The following HSDL2 variants were observed in gnomAD, a reference collection of about 807,000 sequenced individuals.
HSDL2 encodes hydroxysteroid dehydrogenase like 2.
Under a neutral mutation model 46.3 loss-of-function variants are expected in HSDL2, and 27 were observed. That is an observed-to-expected ratio of 0.58 (90% CI 0.43 to 0.80). The LOEUF (loss-of-function observed/expected upper bound fraction) is 0.80, where lower values mean the gene tolerates loss of function less well. Ranked by LOEUF, HSDL2 falls within the 30% of genes least tolerant of loss-of-function variation. The pLI is 0.00. For synonymous variants in HSDL2, 153 were observed against 163.6 expected (o/e 0.94, Z 0.50); for missense variants, 451 against 502.7 (o/e 0.90, Z 0.98).
At chr9:112,468,989 G>C (rs1163308107) in intron 10 of HSDL2, among the ~76,000 whole-genome samples, 1 of 152,100 alleles carries the variant, frequency 6.6e-6, no homozygotes, top group East Asian at 1.9e-4. Context: ...TGTGTTTTTG[G>C]ACGGGCTGTT....
intron 6 of HSDL2, among the ~76,000 whole-genome samples, chr9:112,431,151 A>T (rs931139645): frequency 6.6e-6 from 1 of 152,016 alleles, no homozygotes; most frequent in Non-Finnish European, 1.5e-5. Context: ...AAAGCTGCAG[A>T]TAGAGCAGAT....
chr9:112,428,371 A>T (rs534403671), intron 6 of HSDL2, among the ~76,000 whole-genome samples: 19 of 152,154 alleles, frequency 1.2e-4, no homozygotes, highest in Admixed American at 3.9e-4. Flanking sequence ...TGTTTCCTTT[A>T]TGTTTCTGTA....
At chr9:112,409,183 T>C (rs915460584) in intron 4 of HSDL2, among the ~76,000 whole-genome samples, 162 bp downstream of exon 4, 7 of 152,170 alleles carry the variant, frequency 4.6e-5, no homozygotes, top group Non-Finnish European at 8.8e-5. Context: ...TATTTTATTT[T>C]ATTTTTTATT....
chr9:112,414,835 A>G (rs1345257151), intron 4 of HSDL2, among the ~76,000 whole-genome samples: 4 of 152,150 alleles, frequency 2.6e-5, no homozygotes, highest in East Asian at 1.9e-4. Context: ...GGTATTGATT[A>G]TATTTGGTAA....
chr9:112,387,863 C>A, intron 1 of HSDL2, among the ~76,000 whole-genome samples: 1 of 152,012 alleles, frequency 6.6e-6, no homozygotes, highest in East Asian at 1.9e-4. Context: ...CAGTTGAATC[C>A]AAAATGAGCA....
intron 7 of HSDL2, 35 bp downstream of exon 7, chr9:112,438,660 G>T: frequency 7.9e-7 from 1 of 1,263,058 alleles, no homozygotes; most frequent in Non-Finnish European, 1.1e-6. Flanking sequence ...GTAGTGATAC[G>T]TTTTTCCATA....
intron 10 of HSDL2, among the ~76,000 whole-genome samples, chr9:112,468,488 CTCA>C (rs1833461059): frequency 6.6e-6 from 1 of 152,062 alleles, no homozygotes; most frequent in Admixed American, 6.6e-5. Context: ...TTTCTAAGAG[CTCA>C]TCTTGTTTTC....
In HSDL2 at chr9:112,428,685, G is replaced by C. The variant is rs116849643; in HGVS notation, c.598+9727G>C. On this transcript the variant is annotated intron_variant, in intron 6 of 10. Coordinates refer to ENST00000398805, the MANE Select transcript of HSDL2 (RefSeq NM_032303.5). ...ATATATGAAAATGTTACTTATTATG[G>C]GTCACAGCCAAAAAACTTAAAAGCT... Among the ~76,000 whole-genome samples the C allele has an allele frequency of 8.1e-3, 1,231 of 152,138 alleles. 47 individuals are homozygous for C. Among genetic ancestry groups the C allele is most frequent in the East Asian group, 0.06 (313 of 5,174 alleles).
intron 8 of HSDL2, among the ~76,000 whole-genome samples, chr9:112,449,651 C>T (rs982498267): frequency 6.6e-6 from 1 of 151,952 alleles, no homozygotes; most frequent in Non-Finnish European, 1.5e-5. Context: ...ATTGTCTGAG[C>T]TCCGGTGTTC....
chr9:112,385,284 T>C (rs1299099357), intron 1 of HSDL2, among the ~76,000 whole-genome samples: 1 of 152,174 alleles, frequency 6.6e-6, no homozygotes, highest in Non-Finnish European at 1.5e-5. Flanking sequence ...TGGTCACCTA[T>C]AGGTAAGAGA....
chr9:112,460,875 T>C (rs1262485198), intron 10 of HSDL2, among the ~76,000 whole-genome samples: 5 of 152,228 alleles, frequency 3.3e-5, no homozygotes, highest in Non-Finnish European at 7.3e-5. Context: ...AGCATCTATA[T>C]ATGTATATTA....
At chr9:112,394,923 C>G (rs1040296005) in intron 1 of HSDL2, among the ~76,000 whole-genome samples, 3 of 151,906 alleles carry the variant, frequency 2.0e-5, no homozygotes, top group Non-Finnish European at 2.9e-5. Context: ...GGTGAGAGGT[C>G]GAATAAGTGG....
rs1833589541 is a variant in HSDL2 at position 112,472,035 on chromosome 9, G to T, written c.*1491G>T. On this transcript the variant is annotated 3_prime_UTR_variant, in exon 11 of 11. Coordinates refer to ENST00000398805, the MANE Select transcript of HSDL2 (RefSeq NM_032303.5). ...AACAAAAACTTTACAATACATTTAT[G>T]TTGAATGGAACTCCAAGATCTCACC... 6.6e-6 allele frequency: 1 copy of T among 152,210 alleles called. No individual in the cohort carries two copies. The highest frequency in any genetic ancestry group is 2.4e-5 in the African/African-American group (1 of 41,454). 9.4% of individuals were successfully genotyped at this position (152,210 alleles called of 1,614,324 possible).
rs1831441625 is a variant in HSDL2, at chr9:112,395,766, C to CTTCCCTGATT, written c.18-8227_18-8218dup. Among the ~76,000 whole-genome samples, 10 of 152,366 alleles carry CTTCCCTGATT rather than the reference C, an allele frequency of 6.6e-5. No homozygotes were observed. In the South Asian group the frequency reaches 2.1e-3, roughly 32 times the overall value. On this transcript the variant is annotated intron_variant, in intron 1 of 10. Coordinates refer to ENST00000398805, the MANE Select transcript of HSDL2 (RefSeq NM_032303.5). Reference sequence around the variant, plus strand: ...CCCTTAAAGCAGTTACCATCCTCCACTTCCCTGATTTCTTTTTTACTAGAA... The same window carrying CTTCCCTGATT: ...CCCTTAAAGCAGTTACCATCCTCCACTTCCCTGATTTTCCCTGATTTCTTTTTTACTAGAA...
chr9:112,449,174 C>T (rs7861515), intron 8 of HSDL2, among the ~76,000 whole-genome samples: 122,654 of 150,636 alleles, frequency 0.81, 50,430 homozygotes, highest in African/African-American at 0.91. Flanking sequence ...GCAACCCCTG[C>T]CTCCCAGGTT....
At chr9:112,452,881 A>G (rs1832921300) in intron 8 of HSDL2, among the ~76,000 whole-genome samples, 1 of 152,174 alleles carries the variant, frequency 6.6e-6, no homozygotes. Context: ...AGTGAATGCA[A>G]GTTTTAAAAT....
At chr9:112,380,259 G>T (rs531266980) in intron 1 of HSDL2, 79 bp downstream of exon 1, 2 of 1,421,758 alleles carry the variant, frequency 1.4e-6, no homozygotes, top group East Asian at 2.6e-5. Flanking sequence ...CGGATCGCCC[G>T]GGCTGGCCGG....
At chr9:112,427,375 C>T (rs899538677) in intron 6 of HSDL2, among the ~76,000 whole-genome samples, 19 of 152,214 alleles carry the variant, frequency 1.2e-4, no homozygotes, top group Non-Finnish European at 5.9e-5. Flanking sequence ...TATTTTTAAG[C>T]AGATCTCAAT....
intron 2 of HSDL2, 143 bp from the exon 3 acceptor site, chr9:112,405,481 G>A: frequency 1.7e-6 from 1 of 573,370 alleles, no homozygotes; most frequent in Non-Finnish European, 3.0e-6. Flanking sequence ...CTGCTATATG[G>A]TAGAGTCACT....
Sources: allele counts gnomAD v4.1 joint callset (sites outside exome capture counted in the v4.1 genomes callset), GRCh38; gene constraint gnomAD v4.1.1; transcripts MANE v1.5; gene names NCBI Gene and HGNC (gene_info 2026-07-23, HGNC 2026-07-21).